SYNE1: variants seen among roughly 807,000 people sequenced by gnomAD.
SYNE1 encodes the protein nesprin-1.
SYNE1 carries 616 observed loss-of-function variants against 1,111.0 expected under a neutral mutation model. The observed-to-expected ratio is 0.55, with a 90% CI of 0.52 to 0.59. The LOEUF (loss-of-function observed/expected upper bound fraction) is 0.59, where lower values mean the gene tolerates loss of function less well. SYNE1 is among the 20% of genes least tolerant of loss of function. SYNE1 has a pLI of 0.00. For missense variants in SYNE1, 10,006 were observed against 10,417.0 expected (o/e 0.96, Z 1.72); for synonymous variants, 3,855 against 3,825.8 (o/e 1.01, Z -0.28).
intron 3 of SYNE1, among the ~76,000 whole-genome samples, chr6:152,572,262 A>G (rs187902324): frequency 2.0e-5 from 3 of 152,268 alleles, no homozygotes; most frequent in Admixed American, 2.0e-4. Flanking sequence ...ACTTTTACAA[A>G]CCAAAGTATG....
intron 142 of SYNE1, chr6:152,133,770 A>G (rs2056413642): frequency 4.6e-6 from 2 of 436,258 alleles, no homozygotes; most frequent in Non-Finnish European, 8.3e-6. Flanking sequence ...TATATATGAC[A>G]GTAATTAAAA....
rs766875005 is a variant in SYNE1 at position 152,233,961 on chromosome 6, C to T, written c.20532G>A (p.Glu6844=). The change falls in exon 112 of 146, where the codon GAG becomes GAA. Residue 6844 remains glutamate, a splice_region_variant and synonymous_variant. Transcript: ENST00000367255. ...ATTGGGCATCCACTTCTTTAGAAAA[C>T]TCCTGAAACAAGTAGCGATGTTCAA... ...MVRDHLNAFL[E]FSKEVDAQSS... is the part of the protein sequence containing the mutation. 2.5e-6 allele frequency: 4 copies of T among 1,614,060 alleles called. No homozygotes were observed. The East Asian group carries it at 6.7e-5, about 27-fold the overall frequency.
intron 35 of SYNE1, 26 bp downstream of exon 35, chr6:152,430,456 T>C (rs779131903): frequency 6.3e-7 from 1 of 1,584,738 alleles, no homozygotes; most frequent in African/African-American, 1.3e-5. Flanking sequence ...ATATGTAAAC[T>C]TAAGTATAGG....
At chr6:152,515,834 A>G (rs2099108844) in intron 6 of SYNE1, among the ~76,000 whole-genome samples, 1 of 152,238 alleles carries the variant, frequency 6.6e-6, no homozygotes, top group Non-Finnish European at 1.5e-5. Flanking sequence ...TCACATTTAC[A>G]CATTTCTCAT....
intron 117 of SYNE1, among the ~76,000 whole-genome samples, chr6:152,223,501 C>A (rs1353974628): frequency 6.6e-6 from 1 of 152,124 alleles, no homozygotes; most frequent in Non-Finnish European, 1.5e-5. Flanking sequence ...ATGCCGTAAT[C>A]CCAGCTACTC....
In SYNE1 at chr6:152,233,809, A is replaced by G. The variant is rs2083347073; in HGVS notation, c.20684T>C (p.Ile6895Thr). ...GTGGAGCTTCTCCTGGACGGCTGGG[A>G]TATTGGTTAGCAGGTCAGTCCACTG... ...DSQWTDLLTNIPAVQEKLHQL... is the reference protein window; with the variant it reads ...DSQWTDLLTNTPAVQEKLHQL... Residue 6895 changes from isoleucine to threonine, a missense_variant, in exon 112 of 146, where the codon ATC (isoleucine) becomes ACC (threonine). Ile to Thr is a moderately conservative substitution (Grantham distance 89). Transcript: ENST00000367255. 6.2e-7 allele frequency: 1 copy of G among 1,614,166 alleles called. No individual in the cohort carries two copies. The highest frequency in any genetic ancestry group is 1.3e-5 in the African/African-American group (1 of 75,048).
intron 95 of SYNE1, among the ~76,000 whole-genome samples, chr6:152,286,137 CAATT>C (rs954362377): frequency 5.3e-5 from 8 of 152,130 alleles, no homozygotes; most frequent in Admixed American, 2.0e-4. Flanking sequence ...ATCATCATGA[CAATT>C]AATTTTTAAA....
chr6:152,294,277 C>A (rs2094758549), intron 93 of SYNE1, 150 bp from the exon 94 acceptor site: 2 of 796,932 alleles, frequency 2.5e-6, no homozygotes, highest in Middle Eastern at 3.6e-4. Flanking sequence ...ACTCTTGTGA[C>A]AAGAAAAATG....
In SYNE1 at chr6:152,510,240, T is replaced by A. The variant is rs373136711; in HGVS notation, c.534A>T (p.Gly178=). 6.2e-7 allele frequency: 1 copy of A among 1,614,080 alleles called. No individual in the cohort carries two copies. Among genetic ancestry groups the A allele is most frequent in the Non-Finnish European group, 8.5e-7 (1 of 1,179,980 alleles). The part of the protein sequence containing the change: ...SKRKVTTKIQ[G]NAKKALLKWV... ...ACTTTAATAAAGCCTTCTTAGCATT[T>A]CCTTGGATCTTGGTGGTCACCTTCC... The change falls in exon 8 of 146, where the codon GGA becomes GGT. Residue 178 remains glycine, a synonymous_variant. Transcript: ENST00000367255.
intron 50 of SYNE1, 90 bp from the exon 51 acceptor site, chr6:152,395,761 G>T: frequency 7.2e-7 from 1 of 1,388,782 alleles, no homozygotes; most frequent in Non-Finnish European, 1.0e-6. Context: ...TCTTTTAAAT[G>T]GCAATTAAGA....
At position 152,416,784 on chromosome 6, in the gene SYNE1, GGAGAATGCCGGACA is replaced by G. The variant is rs749419811; in HGVS notation, c.5639_5652del (p.Leu1880ProfsTer15). 1 of 1,614,186 alleles carries G rather than the reference GGAGAATGCCGGACA, an allele frequency of 6.2e-7. No homozygotes were observed. The highest frequency in any genetic ancestry group is 8.5e-7 in the Non-Finnish European group (1 of 1,180,034). On this transcript the variant is annotated frameshift_variant, in exon 41 of 146. Coordinates refer to ENST00000367255, the MANE Select transcript of SYNE1 (RefSeq NM_182961.4). LOFTEE classifies it high-confidence loss of function. ...GCTTCCACTGTTTGCCTCAGCTGGC[GGAGAATGCCGGACA>G]GAGAGGCATGGCTCTGGAGGAATTC... is the stretch of plus-strand genomic sequence containing the variant.
At chr6:152,310,652 C>T (rs758326230) in intron 88 of SYNE1, 36 bp downstream of exon 88, 1 of 1,609,772 alleles carries the variant, frequency 6.2e-7, no homozygotes, top group South Asian at 1.1e-5. Flanking sequence ...CAATGATAGA[C>T]ATTTTTTTCT....
chr6:152,297,163 C>T (rs1342410519), intron 93 of SYNE1, among the ~76,000 whole-genome samples: 1 of 152,124 alleles, frequency 6.6e-6, no homozygotes, highest in Middle Eastern at 3.2e-3. Flanking sequence ...CCCTCTCCTC[C>T]TCCTCCAATG....
At chr6:152,384,976 A>G (rs1245607781) in intron 55 of SYNE1, among the ~76,000 whole-genome samples, 1 of 152,138 alleles carries the variant, frequency 6.6e-6, no homozygotes, top group Non-Finnish European at 1.5e-5. Context: ...GAATCAAAAC[A>G]CAATCTGAGT....
intron 6 of SYNE1, among the ~76,000 whole-genome samples, chr6:152,515,724 T>C (rs1046341170): frequency 3.9e-5 from 6 of 152,208 alleles, no homozygotes; most frequent in Non-Finnish European, 8.8e-5. Flanking sequence ...ACTATGATGG[T>C]CAGTGGTTGG....
In SYNE1 at chr6:152,445,147, A is replaced by T. The variant is rs1218570873; in HGVS notation, c.3670-569T>A. On this transcript the variant is annotated intron_variant, in intron 29 of 145. Coordinates refer to ENST00000367255, the MANE Select transcript of SYNE1 (RefSeq NM_182961.4). ...ACAAAACTGCATATATTATATATAT[A>T]TATATTGCCTTTTAGGTCTCTTTCA... 9.9e-5 allele frequency among the ~76,000 whole-genome samples: 15 copies of T among 152,090 alleles called. 1 individual carries two copies. In the East Asian group the frequency reaches 2.9e-3, roughly 29 times the overall value.
At chr6:152,414,009 CT>C (rs5880975) in intron 41 of SYNE1, among the ~76,000 whole-genome samples, 39,594 of 139,480 alleles carry the variant, frequency 0.28, 5,580 homozygotes, top group East Asian at 0.39. Context: ...TATATATATA[CT>C]TTTTTTTTTT....
intron 130 of SYNE1, among the ~76,000 whole-genome samples, chr6:152,164,758 T>C (rs1404586611): frequency 6.6e-6 from 1 of 152,194 alleles, no homozygotes; most frequent in Non-Finnish European, 1.5e-5. Context: ...AAGCATATGA[T>C]CAATGATCTA....
chr6:152,456,327 T>G (rs988933221), intron 22 of SYNE1, among the ~76,000 whole-genome samples: 2 of 151,892 alleles, frequency 1.3e-5, no homozygotes, highest in African/African-American at 4.8e-5. Flanking sequence ...ATTAAGAAAA[T>G]GATAGAGCAT....
Sources: gnomAD v4.1 joint callset for allele counts (sites outside exome capture counted in the v4.1 genomes callset) on GRCh38, gnomAD v4.1.1 for gene constraint, MANE v1.5 for transcripts, NCBI Gene and HGNC (gene_info 2026-07-23, HGNC 2026-07-21) for gene names.